Variants in CES5A observed in about 807,000 individuals in gnomAD.
The protein encoded by CES5A is carboxylesterase 5A.
A neutral mutation model predicts 62.9 loss-of-function variants in CES5A; 67 were observed. That is an observed-to-expected ratio of 1.07 (90% CI 0.88 to 1.31). The LOEUF is 1.31. Ranked by LOEUF, CES5A falls within the 50% of genes most tolerant of loss-of-function variation. CES5A has a pLI of 0.00. For missense variants in CES5A, 748 were observed against 708.5 expected, an observed-to-expected ratio of 1.06 and a Z score of -0.63; for synonymous variants, 296 against 280.8, an observed-to-expected ratio of 1.05 and a Z score of -0.54.
upstream of CES5A, among the ~76,000 whole-genome samples, chr16:55,877,257 T>C (rs570375040): frequency 6.6e-6 from 1 of 152,270 alleles, no homozygotes; most frequent in Admixed American, 6.5e-5. Flanking sequence ...TATGGATTTA[T>C]TTGAAGTGAT....
intron 11 of CES5A, among the ~76,000 whole-genome samples, chr16:55,848,991 G>A (rs1248461409): frequency 1.3e-5 from 2 of 152,164 alleles, no homozygotes; most frequent in Non-Finnish European, 1.5e-5. Context: ...TCTTTGTCAA[G>A]AGGCCAGTGT....
intron 2 of CES5A, among the ~76,000 whole-genome samples, chr16:55,943,094 T>C (rs937148476): frequency 2.0e-5 from 3 of 152,246 alleles, no homozygotes; most frequent in Admixed American, 6.5e-5. Context: ...GTTTCACAGC[T>C]GATTACAATT....
At chr16:55,894,938 G>A (rs1160765389) in intron 1 of CES5A, among the ~76,000 whole-genome samples, 3 of 152,214 alleles carry the variant, frequency 2.0e-5, no homozygotes, top group African/African-American at 7.2e-5. Context: ...GGAAAGATGG[G>A]AAGTGAGTTA....
intron 12 of CES5A, 29 bp downstream of exon 12, chr16:55,846,739 G>A (rs200258871): frequency 6.8e-6 from 11 of 1,613,564 alleles, no homozygotes; most frequent in Non-Finnish European, 9.3e-6. Context: ...CCAGGCCTTG[G>A]CATGGGGGAG....
rs573833605 is a variant in CES5A, at chr16:55,887,114, T to C, written c.-255-13077A>G. On this transcript the variant is annotated intron_variant, in intron 1 of 12. Coordinates refer to the CES5A transcript ENST00000518005. ...CTATAATACTTGAAATGTGATGCTG[T>C]GCCTCAAAGGCTAGAACAGACCAGT... 2.0e-5 allele frequency among the ~76,000 whole-genome samples: 3 copies of C among 152,276 alleles called. No individual in the cohort carries two copies. In the East Asian group the frequency reaches 5.8e-4, roughly 29 times the overall value.
intron 9 of CES5A, among the ~76,000 whole-genome samples, chr16:55,853,235 A>G (rs1201467708): frequency 1.3e-5 from 2 of 152,216 alleles, no homozygotes; most frequent in African/African-American, 4.8e-5. Context: ...GTTGGGTCCA[A>G]CTGGAAGAAC....
intron 9 of CES5A, among the ~76,000 whole-genome samples, chr16:55,853,640 T>C (rs2033175205): frequency 6.6e-6 from 1 of 152,194 alleles, no homozygotes; most frequent in Non-Finnish European, 1.5e-5. Flanking sequence ...GAGAAAAGTA[T>C]GCTGCTTGCC....
chr16:55,900,521 G>T (rs1401062551), intron 1 of CES5A, among the ~76,000 whole-genome samples: 1 of 152,160 alleles, frequency 6.6e-6, no homozygotes, highest in African/African-American at 2.4e-5. Context: ...AATAAAGCTT[G>T]TGCAGGGACC....
At chr16:55,864,136 G>A (rs1310781596) in intron 5 of CES5A, among the ~76,000 whole-genome samples, 2 of 152,194 alleles carry the variant, frequency 1.3e-5, no homozygotes, top group African/African-American at 2.4e-5. Flanking sequence ...GTGAGGAGCA[G>A]GGGAGGTAAT....
chr16:55,938,799 CACACATAT>C (rs1283411833), intron 2 of CES5A, among the ~76,000 whole-genome samples: 1 of 42,020 alleles, frequency 2.4e-5, no homozygotes, highest in Non-Finnish European at 4.3e-5. Context: ...TATATATATA[CACACATAT>C]ATATATATAC....
intron 1 of CES5A, among the ~76,000 whole-genome samples, chr16:55,885,571 G>A (rs1277487202): frequency 3.3e-5 from 5 of 152,076 alleles, no homozygotes; most frequent in African/African-American, 1.2e-4. Context: ...ACTAAAGAAG[G>A]TCCAGCAAGT....
chr16:55,916,895 T>G (rs2034152988), intron 1 of CES5A, among the ~76,000 whole-genome samples: 1 of 152,210 alleles, frequency 6.6e-6, no homozygotes, highest in Non-Finnish European at 1.5e-5. Context: ...GTGGTCAAAG[T>G]CAGTGACATC....
chr16:55,931,574 C>T (rs781000389), intron 2 of CES5A, among the ~76,000 whole-genome samples: 1 of 152,164 alleles, frequency 6.6e-6, no homozygotes, highest in African/African-American at 2.4e-5. Flanking sequence ...TGGCCTTAAC[C>T]CTATTCTCAC....
At position 55,949,734 on chromosome 16, in the gene CES5A, C is replaced by T. The variant is rs1409417799; in HGVS notation, c.160+51G>A. ...CATGGACTGTGAGTCAGCTGTTGGC[C>T]AGACTCAAGGGGCAGACCCAACCCT... On this transcript the variant is annotated intron_variant, in intron 2 of 13. Coordinates refer to the CES5A transcript ENST00000521992. 11 of 766,360 alleles carry T rather than the reference C, an allele frequency of 1.4e-5. No individual in the cohort carries two copies. In the African/African-American group the frequency reaches 1.6e-4, roughly 11 times the overall value. 47.5% of individuals were successfully genotyped at this position (766,360 alleles called of 1,614,324 possible).
In CES5A at chr16:55,909,244, T is replaced by G. The variant is rs16955877; in HGVS notation, c.-256+16079A>C. Among the ~76,000 whole-genome samples the G allele has an allele frequency of 9.3e-3, 1,415 of 152,298 alleles. 42 individuals are homozygous for G. Among genetic ancestry groups the G allele is most frequent in the East Asian group, 0.083 (429 of 5,174 alleles). ...GAATTTTCTCATTCCTTTCCACTTT[T>G]CCTCAATTCATTGTTGAGGAAATGG... is the stretch of plus-strand genomic sequence containing the variant. On this transcript the variant is annotated intron_variant, in intron 1 of 12. Coordinates refer to the CES5A transcript ENST00000518005.
At position 55,859,152 on chromosome 16, in the gene CES5A, C is replaced by T. The variant is rs142844396; in HGVS notation, c.1056+395G>A. ...CTTAGCATTCAGGGATGTCAAAATG[C>T]CAGAACCAAGGCTGGATGTGAAAAA... On this transcript the variant is annotated intron_variant, in intron 8 of 12. Coordinates refer to ENST00000290567, the MANE Select transcript of CES5A (RefSeq NM_001143685.2). 3.9e-5 allele frequency among the ~76,000 whole-genome samples: 6 copies of T among 152,326 alleles called. No individual in the cohort carries two copies. In the East Asian group the frequency reaches 5.8e-4, roughly 15 times the overall value.
intron 3 of CES5A, among the ~76,000 whole-genome samples, chr16:55,870,378 A>G (rs2033558532): frequency 6.6e-6 from 1 of 151,794 alleles, no homozygotes; most frequent in Non-Finnish European, 1.5e-5. Context: ...GAGGAGGAGA[A>G]AGGATGAAAA....
intron 1 of CES5A, among the ~76,000 whole-genome samples, chr16:55,912,091 C>T (rs1351474639): frequency 3.9e-5 from 6 of 152,178 alleles, no homozygotes; most frequent in African/African-American, 1.4e-4. Context: ...CCCGCCCCTC[C>T]CAGAAGTAGA....
rs762995423 is a variant in CES5A, at chr16:55,869,655, C to G, written c.507G>C (p.Leu169=). Residue 169 remains leucine, a synonymous_variant, in exon 4 of 13, where the codon CTG becomes CTC. Transcript: ENST00000290567. ...CTAGCCGGTACTGGACGACCACAAC[C>G]AGCACGTCCTCATAGGCAGCCAGGG... ...GSALAAYEDV[L]VVVVQYRLGI... 6.8e-6 allele frequency: 11 copies of G among 1,613,702 alleles called. No homozygotes were observed. In the East Asian group the frequency reaches 2.0e-4, roughly 29 times the overall value.
Sources: allele counts gnomAD v4.1 joint callset (sites outside exome capture counted in the v4.1 genomes callset), GRCh38; gene constraint gnomAD v4.1.1; transcripts MANE v1.5; gene names NCBI Gene and HGNC (gene_info 2026-07-23, HGNC 2026-07-21).